The following CFAP70 variants were observed in gnomAD, a reference collection of about 807,000 sequenced individuals.
The protein encoded by CFAP70 is cilia- and flagella-associated protein 70.
Under a neutral mutation model 137.6 loss-of-function variants are expected in CFAP70, and 81 were observed. The observed-to-expected ratio is 0.59, with a 90% CI of 0.49 to 0.71. The LOEUF is 0.71. Ranked by LOEUF, CFAP70 falls within the 30% of genes least tolerant of loss-of-function variation. The probability of loss-of-function intolerance (pLI) is 0.00; values close to 1 mark genes in which losing one functional copy is unlikely to be tolerated. For missense variants in CFAP70, 976 were observed against 1,226.7 expected (o/e 0.80, Z 3.05); for synonymous variants, 382 against 423.6 (o/e 0.90, Z 1.20).
At chr10:73,262,788 A>ATG (rs1261902161) in intron 25 of CFAP70, among the ~76,000 whole-genome samples, 1 of 152,122 alleles carries the variant, frequency 6.6e-6, no homozygotes, top group Non-Finnish European at 1.5e-5. Flanking sequence ...GGATTACTGT[A>ATG]TGTGTGTGTG....
chr10:73,268,684 G>C (rs201626017), intron 25 of CFAP70, among the ~76,000 whole-genome samples: 2 of 149,952 alleles, frequency 1.3e-5, no homozygotes, highest in African/African-American at 2.4e-5. Context: ...CTTTTTATTT[G>C]TTTTTCTTCT....
Position 73,260,554 on chromosome 10 carries a change from G to A in CFAP70, c.3028-4138C>T, listed in dbSNP as rs184196971. On this transcript the variant is annotated intron_variant, in intron 25 of 26. Transcript: ENST00000310715. ...TACCATAAAATTCACTAATTTTAAC[G>A]TTATGTTGTGCAAGCATCAGCACAA... Among the ~76,000 whole-genome samples the A allele has an allele frequency of 2.1e-4, 32 of 152,126 alleles. No homozygotes were observed. In the South Asian group the frequency reaches 4.8e-3, roughly 23 times the overall value.
At chr10:73,295,313 G>C (rs1358552630) in intron 15 of CFAP70, 1 of 148,982 alleles carries the variant, frequency 6.7e-6, no homozygotes, top group Non-Finnish European at 1.5e-5. Context: ...AAGAGAGAAA[G>C]GGAGAAAGAG....
rs181848825 is a variant in CFAP70 at position 73,332,635 on chromosome 10, C to A, written c.678-1359G>T. 9.2e-5 allele frequency among the ~76,000 whole-genome samples: 14 copies of A among 152,310 alleles called. No individual in the cohort carries two copies. In the East Asian group the frequency reaches 2.7e-3, roughly 29 times the overall value. ...CATCAACAGAGTTTCAATATAATAA[C>A]AATGAATTACAACTGAGAGGGCTAC... On this transcript the variant is annotated intron_variant, in intron 7 of 26. Coordinates refer to ENST00000310715, the Ensembl canonical transcript of CFAP70.
At chr10:73,254,173 T>C (rs2044236611) in intron 26 of CFAP70, 118 bp from the exon 28 acceptor site, 2 of 711,472 alleles carry the variant, frequency 2.8e-6, no homozygotes. Context: ...TGGGATGGAA[T>C]TGGCTCTTCC....
At chr10:73,253,961 C>A in exon 27 of CFAP70, 1 of 1,591,258 alleles carries the variant, frequency 6.3e-7, no homozygotes, top group Non-Finnish European at 8.6e-7. Context: ...GAAAATTGTT[C>A]AGCTGGAGGG....
At chr10:73,298,827 G>C (rs1253282204) in intron 14 of CFAP70, 80 bp downstream of exon 15, 2 of 1,293,694 alleles carry the variant, frequency 1.5e-6, no homozygotes, top group Non-Finnish European at 2.2e-6. Flanking sequence ...AACATAATCA[G>C]AGGAGAAAAT....
intron 6 of CFAP70, among the ~76,000 whole-genome samples, chr10:73,338,995 C>T (rs1478528153): frequency 4.6e-5 from 7 of 151,636 alleles, no homozygotes; most frequent in African/African-American, 7.3e-5. Context: ...TCCTGACTCA[C>T]TTCAACCTCC....
intron 7 of CFAP70, among the ~76,000 whole-genome samples, chr10:73,332,672 T>C (rs1564856824): frequency 6.6e-6 from 1 of 152,162 alleles, no homozygotes; most frequent in Non-Finnish European, 1.5e-5. Context: ...AACCCCTCTA[T>C]TAGAGAAGTT....
At chr10:73,335,642 T>C in intron 6 of CFAP70, 118 bp from the exon 8 acceptor site, 1 of 588,898 alleles carries the variant, frequency 1.7e-6, no homozygotes, top group South Asian at 3.1e-5. Context: ...TTATTACTAC[T>C]ATAAGTATGA....
chr10:73,316,180 A>G (rs983464463), intron 9 of CFAP70, among the ~76,000 whole-genome samples: 1 of 151,960 alleles, frequency 6.6e-6, no homozygotes. Context: ...TATCTTTTGT[A>G]CCTTTTTACT....
chr10:73,298,833 A>C, intron 14 of CFAP70, 74 bp downstream of exon 15: 2 of 1,367,452 alleles, frequency 1.5e-6, no homozygotes, highest in African/African-American at 2.9e-5. Flanking sequence ...ATCAGAGGAG[A>C]AAATGTGATG....
At chr10:73,291,516 C>T in intron 18 of CFAP70, 72 bp from the exon 20 acceptor site, 2 of 1,524,330 alleles carry the variant, frequency 1.3e-6, no homozygotes, top group Non-Finnish European at 1.8e-6. Context: ...TTGTATTTCA[C>T]TTATTTTTCC....
intron 9 of CFAP70, among the ~76,000 whole-genome samples, chr10:73,315,204 G>A (rs2050235160): frequency 7.5e-6 from 1 of 133,770 alleles, no homozygotes; most frequent in Admixed American, 7.9e-5. Context: ...GTGACAGAGT[G>A]AGACCCCATC....
In CFAP70 at chr10:73,275,619, T is replaced by A; in HGVS notation, c.2521-21A>T. 1 of 1,514,062 alleles carries A rather than the reference T, an allele frequency of 6.6e-7. No individual in the cohort carries two copies. Among genetic ancestry groups the A allele is most frequent in the Non-Finnish European group, 8.8e-7 (1 of 1,131,302 alleles). 93.8% of individuals were successfully genotyped at this position (1,514,062 alleles called of 1,614,324 possible). A position where few individuals can be genotyped will look rare whatever the true frequency, so the allele number is the denominator to read the frequency against. ...ACATACTGCAAGGATAATCAGATTA[T>A]AAGCAACATATAAATGGCTGCATTG... On this transcript the variant is annotated intron_variant, in intron 21 of 26. Coordinates refer to ENST00000310715, the Ensembl canonical transcript of CFAP70. The surrounding 1 kb of genome is among the most constrained non-coding windows in gnomAD (Gnocchi z 4.0).
chr10:73,330,358 G>A (rs970461651), intron 8 of CFAP70, among the ~76,000 whole-genome samples: 3 of 150,948 alleles, frequency 2.0e-5, no homozygotes, highest in South Asian at 2.1e-4. Context: ...GCTGAGGCAG[G>A]AGAATCGTTT....
At chr10:73,301,684 T>C (rs1411605635) in intron 12 of CFAP70, among the ~76,000 whole-genome samples, 1 of 152,216 alleles carries the variant, frequency 6.6e-6, no homozygotes, top group Non-Finnish European at 1.5e-5. Flanking sequence ...AATGATAGTA[T>C]ATATAAAGTT....
intron 25 of CFAP70, among the ~76,000 whole-genome samples, chr10:73,266,410 A>AT: frequency 6.6e-6 from 1 of 151,720 alleles, no homozygotes. Flanking sequence ...TTGCTTGTAG[A>AT]TTTTCTTGGG....
intron 3 of CFAP70, among the ~76,000 whole-genome samples, chr10:73,352,480 C>CT (rs1285943086): frequency 2.0e-5 from 3 of 151,748 alleles, no homozygotes; most frequent in Admixed American, 6.6e-5. Context: ...TTTCTTTTTT[C>CT]TTTTTTTTGG....
Sources: allele counts gnomAD v4.1 joint callset (sites outside exome capture counted in the v4.1 genomes callset), GRCh38; gene constraint gnomAD v4.1.1; non-coding constraint Gnocchi (gnomAD v3.1); transcripts MANE v1.5; gene names NCBI Gene and HGNC (gene_info 2026-07-23, HGNC 2026-07-21).